The following TMEM132D variants were observed in gnomAD, a reference collection of about 807,000 sequenced individuals.
TMEM132D encodes the protein transmembrane protein 132D.
TMEM132D carries 21 observed loss-of-function variants against 62.3 expected under a neutral mutation model. That is an observed-to-expected ratio of 0.34 (90% confidence interval 0.24 to 0.49). The LOEUF is 0.49. Among genes scored for constraint, TMEM132D ranks in the 20% least tolerant of loss-of-function variants. The pLI, the probability that TMEM132D is intolerant of heterozygous loss-of-function variation, is 0.99. For synonymous variants in TMEM132D, 621 were observed against 575.6 expected (o/e 1.08, Z -1.13); for missense variants, 1,346 against 1,402.8 (o/e 0.96, Z 0.65).
chr12:129,428,973 C>T (rs1369690367), intron 3 of TMEM132D, among the ~76,000 whole-genome samples: 1 of 152,226 alleles, frequency 6.6e-6, no homozygotes, highest in Non-Finnish European at 1.5e-5. Context: ...AGTTTATACT[C>T]ACTGTAGTCC....
chr12:129,394,110 C>T (rs1871357758), intron 3 of TMEM132D, among the ~76,000 whole-genome samples: 1 of 152,196 alleles, frequency 6.6e-6, no homozygotes, highest in South Asian at 2.1e-4. Flanking sequence ...TGTGGCACGG[C>T]ACGTTTTTCA....
At chr12:129,738,637 G>A (rs1045039640) in intron 1 of TMEM132D, among the ~76,000 whole-genome samples, 1 of 152,160 alleles carries the variant, frequency 6.6e-6, no homozygotes, top group African/African-American at 2.4e-5. Flanking sequence ...TCTTCTTGGA[G>A]ATAGAGCCAG....
chr12:129,792,355 C>T (rs1312234911), intron 1 of TMEM132D, among the ~76,000 whole-genome samples: 1 of 152,152 alleles, frequency 6.6e-6, no homozygotes, highest in Non-Finnish European at 1.5e-5. Flanking sequence ...AGCTCTCTCC[C>T]CTGTAAAACG....
intron 4 of TMEM132D, among the ~76,000 whole-genome samples, chr12:129,272,947 G>A (rs1007499892): frequency 8.6e-5 from 13 of 151,812 alleles, no homozygotes; most frequent in African/African-American, 3.2e-4. Flanking sequence ...TGTAATCCCA[G>A]CACTTTGGGA....
At position 129,150,667 on chromosome 12, in the gene TMEM132D, G is replaced by A. The variant is rs988889170; in HGVS notation, c.1443+58853C>T. Among the ~76,000 whole-genome samples, 8 of 152,306 alleles carry A rather than the reference G, an allele frequency of 5.3e-5. No individual in the cohort carries two copies. The South Asian group carries it at 1.7e-3, about 32-fold the overall frequency. On this transcript the variant is annotated intron_variant, in intron 5 of 8. Transcript: ENST00000422113. ...CCCAGAGCTTGTGCTCCTGACCCTG[G>A]GCTTCTCCAATTGAGAGCCACAGAC...
chr12:129,436,475 G>A (rs1482830100), intron 3 of TMEM132D, among the ~76,000 whole-genome samples: 4 of 152,202 alleles, frequency 2.6e-5, no homozygotes, highest in Non-Finnish European at 5.9e-5. Context: ...TAGCAGTGGT[G>A]TGAGGCAGCT....
At chr12:129,342,644 C>G (rs1204207226) in intron 3 of TMEM132D, among the ~76,000 whole-genome samples, 5 of 152,110 alleles carry the variant, frequency 3.3e-5, no homozygotes, top group Non-Finnish European at 7.4e-5. Context: ...AGGCAACCTA[C>G]AGAATGGGAG....
At chr12:129,901,764 A>G (rs1875359786) in intron 1 of TMEM132D, among the ~76,000 whole-genome samples, 1 of 152,134 alleles carries the variant, frequency 6.6e-6, no homozygotes, top group African/African-American at 2.4e-5. Context: ...GTGAGGTCCT[A>G]TTTCCAAAGC....
At chr12:129,606,401 A>G (rs1446472194) in intron 2 of TMEM132D, among the ~76,000 whole-genome samples, 2 of 152,192 alleles carry the variant, frequency 1.3e-5, no homozygotes, top group Non-Finnish European at 2.9e-5. Context: ...AAGTTAGCTC[A>G]GAGTCTGCCG....
intron 2 of TMEM132D, among the ~76,000 whole-genome samples, chr12:129,573,407 C>T (rs567814227): frequency 1.3e-5 from 2 of 152,166 alleles, no homozygotes; most frequent in Non-Finnish European, 2.9e-5. Context: ...ATCATTTCAT[C>T]TTAGCAGCTT....
chr12:129,098,530 T>C (rs1430364570), intron 5 of TMEM132D, among the ~76,000 whole-genome samples: 2 of 152,224 alleles, frequency 1.3e-5, no homozygotes, highest in Non-Finnish European at 2.9e-5. Context: ...TAAGGCAGTA[T>C]TTTAATTCCA....
At chr12:129,148,602 T>C (rs930270855) in intron 5 of TMEM132D, among the ~76,000 whole-genome samples, 6 of 152,170 alleles carry the variant, frequency 3.9e-5, no homozygotes, top group Non-Finnish European at 5.9e-5. Flanking sequence ...TTATTCCCCA[T>C]AGGACCCATG....
chr12:129,353,231 C>A (rs182911414), intron 3 of TMEM132D, among the ~76,000 whole-genome samples: 1 of 152,126 alleles, frequency 6.6e-6, no homozygotes, highest in Admixed American at 6.5e-5. Context: ...GATATCTGTG[C>A]TCTTGGAAGT....
At chr12:129,851,677 G>A (rs562001478) in intron 1 of TMEM132D, among the ~76,000 whole-genome samples, 1 of 152,270 alleles carries the variant, frequency 6.6e-6, no homozygotes, top group South Asian at 2.1e-4. Flanking sequence ...CTACAGCACT[G>A]CTTCCCTACA....
chr12:129,565,482 C>T (rs1346414534), intron 2 of TMEM132D, among the ~76,000 whole-genome samples: 2 of 152,170 alleles, frequency 1.3e-5, no homozygotes, highest in Non-Finnish European at 2.9e-5. Flanking sequence ...GCCTGAATTC[C>T]AAAGGGAGGA....
intron 5 of TMEM132D, among the ~76,000 whole-genome samples, chr12:129,106,217 T>C (rs1449577134): frequency 7.0e-6 from 1 of 143,322 alleles, no homozygotes; most frequent in Non-Finnish European, 1.5e-5. Flanking sequence ...AATTGAACAA[T>C]GAGAACACAT....
chr12:129,256,806 C>A (rs900609354), intron 4 of TMEM132D, among the ~76,000 whole-genome samples: 4 of 152,170 alleles, frequency 2.6e-5, no homozygotes, highest in Admixed American at 2.6e-4. Flanking sequence ...GGTGATCCAC[C>A]CGCTTTGACC....
At chr12:129,236,065 C>T (rs1051091730) in intron 4 of TMEM132D, among the ~76,000 whole-genome samples, 1 of 150,746 alleles carries the variant, frequency 6.6e-6, no homozygotes, top group Non-Finnish European at 1.5e-5. Flanking sequence ...TTTTTCAACT[C>T]CTTAAGTTTA....
At chr12:129,341,882 C>T (rs1303584250) in intron 3 of TMEM132D, among the ~76,000 whole-genome samples, 1 of 152,100 alleles carries the variant, frequency 6.6e-6, no homozygotes, top group East Asian at 1.9e-4. Context: ...TGTGAAGGAC[C>T]TCTTCAAGGA....
Sources: gnomAD v4.1 joint callset for allele counts (sites outside exome capture counted in the v4.1 genomes callset) on GRCh38, gnomAD v4.1.1 for gene constraint, MANE v1.5 for transcripts, NCBI Gene and HGNC (gene_info 2026-07-23, HGNC 2026-07-21) for gene names.